NR5A2: variants seen among roughly 807,000 people sequenced by gnomAD.
NR5A2 encodes the protein nuclear receptor subfamily 5 group A member 2.
NR5A2 carries 26 observed loss-of-function variants against 62.7 expected under a neutral mutation model. The ratio of observed to expected loss-of-function variants is 0.41; its 90% CI spans 0.30 to 0.58. The LOEUF (loss-of-function observed/expected upper bound fraction) is 0.58, where lower values mean the gene tolerates loss of function less well. Ranked by LOEUF, NR5A2 falls within the 20% of genes least tolerant of loss-of-function variation. The pLI is 0.22. For missense variants in NR5A2, 541 were observed against 669.1 expected (o/e 0.81, Z 2.11); for synonymous variants, 246 against 241.7 (o/e 1.02, Z -0.16).
intron 5 of NR5A2, among the ~76,000 whole-genome samples, chr1:200,106,187 A>G (rs1665657840): frequency 6.6e-6 from 1 of 151,922 alleles, no homozygotes; most frequent in East Asian, 1.9e-4. Flanking sequence ...CCTCCTAAAT[A>G]GCTGGGATTA....
chr1:200,041,918 T>C (rs1484423426), intron 2 of NR5A2, among the ~76,000 whole-genome samples: 2 of 152,078 alleles, frequency 1.3e-5, no homozygotes, highest in African/African-American at 4.8e-5. Flanking sequence ...GTTTACTTTG[T>C]TGGGGGAAGG....
At chr1:200,165,536 A>G (rs1372481027) in intron 7 of NR5A2, among the ~76,000 whole-genome samples, 2 of 152,062 alleles carry the variant, frequency 1.3e-5, no homozygotes, top group African/African-American at 4.8e-5. Flanking sequence ...ACTGGCAACC[A>G]CCCATCTTTT....
intron 5 of NR5A2, among the ~76,000 whole-genome samples, chr1:200,053,150 C>T (rs1444752183): frequency 6.6e-6 from 1 of 152,168 alleles, no homozygotes; most frequent in Non-Finnish European, 1.5e-5. Flanking sequence ...AACTCCCCAA[C>T]TCTCATAGAA....
chr1:200,062,587 C>T (rs780877079), intron 5 of NR5A2, among the ~76,000 whole-genome samples: 4 of 152,092 alleles, frequency 2.6e-5, no homozygotes, highest in South Asian at 2.1e-4. Flanking sequence ...AAAAGTTTTC[C>T]GTTGAGTGAT....
chr1:200,147,977 C>T lies in NR5A2; in HGVS notation c.1379-25986C>T, dbSNP rs1268442329. The T allele has an allele frequency of 1.9e-5, 6 of 314,696 alleles. No individual in the cohort carries two copies. The allele number at this position is 314,696 out of a possible 1,614,324, so 19.5% of individuals were successfully genotyped here. On this transcript the variant is annotated intron_variant, in intron 7 of 7. Coordinates refer to ENST00000367362, the MANE Select transcript of NR5A2 (RefSeq NM_205860.3). The surrounding 1 kb of genome is among the most constrained non-coding windows in gnomAD (Gnocchi z 4.9). Reference sequence around the variant, plus strand: ...TGTGGTAGGCGATGCATCGGGCGGCCGCCTTGACCTCCTCCCGCGAGCCGA... The same window carrying T: ...TGTGGTAGGCGATGCATCGGGCGGCTGCCTTGACCTCCTCCCGCGAGCCGA...
At chr1:200,094,441 T>C (rs989824529) in intron 5 of NR5A2, among the ~76,000 whole-genome samples, 8 of 148,554 alleles carry the variant, frequency 5.4e-5, no homozygotes, top group African/African-American at 2.0e-4. Context: ...TTTTGCAACC[T>C]CCGAAAGTAC....
intron 6 of NR5A2, among the ~76,000 whole-genome samples, chr1:200,117,706 ATTTTTTTTTCTTTTC>A (rs1346536166): frequency 6.6e-6 from 1 of 150,694 alleles, no homozygotes; most frequent in African/African-American, 2.4e-5. Flanking sequence ...TTAACTAGTG[ATTTTTTTTTCTTTTC>A]TTTTTTTTTT....
intron 6 of NR5A2, among the ~76,000 whole-genome samples, chr1:200,112,183 G>T (rs1434258241): frequency 2.0e-5 from 3 of 152,180 alleles, no homozygotes; most frequent in Non-Finnish European, 4.4e-5. Context: ...AGGAATGGTT[G>T]GTTTGGCTTT....
chr1:200,035,980 C>A (rs981451949), intron 1 of NR5A2, among the ~76,000 whole-genome samples: 32 of 152,316 alleles, frequency 2.1e-4, no homozygotes, highest in African/African-American at 7.0e-4. Context: ...CCACCAGTTA[C>A]AATTCCCGCA....
At chr1:200,047,127 C>T (rs1662403597) in intron 4 of NR5A2, among the ~76,000 whole-genome samples, 1 of 152,222 alleles carries the variant, frequency 6.6e-6, no homozygotes, top group Non-Finnish European at 1.5e-5. Context: ...TCTCTAGTTT[C>T]TGTCTAATTG....
chr1:200,087,960 A>T (rs1049739515), intron 5 of NR5A2, among the ~76,000 whole-genome samples: 1 of 152,154 alleles, frequency 6.6e-6, no homozygotes, highest in Non-Finnish European at 1.5e-5. Flanking sequence ...CATGTTGGCC[A>T]GGCCAGTCTT....
intron 5 of NR5A2, among the ~76,000 whole-genome samples, chr1:200,098,798 TCA>T (rs749767863): frequency 2.0e-4 from 31 of 152,228 alleles, no homozygotes; most frequent in Non-Finnish European, 4.3e-4. Flanking sequence ...GGTAGACCAT[TCA>T]CAGTGTCAAA....
intron 6 of NR5A2, among the ~76,000 whole-genome samples, chr1:200,114,473 A>C (rs1666125528): frequency 2.0e-5 from 3 of 152,100 alleles, no homozygotes; most frequent in African/African-American, 7.2e-5. Flanking sequence ...TACAGGTGTA[A>C]TTTAGAATTG....
At chr1:200,167,802 A>C (rs1331844129) in intron 7 of NR5A2, among the ~76,000 whole-genome samples, 1 of 152,148 alleles carries the variant, frequency 6.6e-6, no homozygotes, top group Non-Finnish European at 1.5e-5. Context: ...TATATAGACC[A>C]CTGTCTGCTA....
intron 4 of NR5A2, among the ~76,000 whole-genome samples, chr1:200,046,850 T>A (rs1310746711): frequency 6.6e-6 from 1 of 152,248 alleles, no homozygotes; most frequent in African/African-American, 2.4e-5. Context: ...TGCATTTCTT[T>A]ACCTTAAATA....
intron 5 of NR5A2, among the ~76,000 whole-genome samples, chr1:200,103,874 T>C (rs957111661): frequency 1.1e-4 from 17 of 152,196 alleles, no homozygotes; most frequent in Admixed American, 9.2e-4. Context: ...AACAGATAGT[T>C]GTAGTAACTG....
At chr1:200,161,539 C>A (rs1653642068) in intron 7 of NR5A2, among the ~76,000 whole-genome samples, 1 of 152,080 alleles carries the variant, frequency 6.6e-6, no homozygotes, top group Admixed American at 6.6e-5. Context: ...AGCTCACAGC[C>A]CCAAAATACA....
intron 7 of NR5A2, among the ~76,000 whole-genome samples, chr1:200,152,825 T>C (rs1009725875): frequency 6.6e-5 from 10 of 152,166 alleles, no homozygotes; most frequent in South Asian, 2.1e-4. Flanking sequence ...GGTCACTACA[T>C]TGAGAGTTTA....
intron 7 of NR5A2, among the ~76,000 whole-genome samples, chr1:200,134,554 A>C (rs1371397557): frequency 6.6e-6 from 1 of 152,084 alleles, no homozygotes; most frequent in Non-Finnish European, 1.5e-5. Flanking sequence ...GTGTAAGTAC[A>C]CTCTATGATG....
Sources: allele counts gnomAD v4.1 joint callset (sites outside exome capture counted in the v4.1 genomes callset), GRCh38; gene constraint gnomAD v4.1.1; non-coding constraint Gnocchi (gnomAD v3.1); transcripts MANE v1.5; gene names NCBI Gene and HGNC (gene_info 2026-07-23, HGNC 2026-07-21).